Variants in RALGAPB observed in about 807,000 individuals in gnomAD.
RALGAPB encodes the protein Ral GTPase activating protein non-catalytic subunit beta, also known as ral GTPase-activating protein subunit beta.
In RALGAPB, 25 loss-of-function variants were observed where a neutral mutation model predicts 161.1. The observed-to-expected ratio is 0.16, with a 90% confidence interval of 0.11 to 0.22. The LOEUF is 0.22. Ranked by LOEUF, RALGAPB falls within the 10% of genes least tolerant of loss-of-function variation. RALGAPB has a pLI of 1.00. For synonymous variants in RALGAPB, 629 were observed against 626.1 expected, an observed-to-expected ratio of 1.00 and a Z score of -0.07; for missense variants, 1,391 against 1,815.2, an observed-to-expected ratio of 0.77 and a Z score of 4.25.
intron 4 of RALGAPB, among the ~76,000 whole-genome samples, chr20:38,498,205 C>T (rs2085483221): frequency 6.6e-6 from 1 of 152,212 alleles, no homozygotes; most frequent in South Asian, 2.1e-4. Context: ...AATGAAACCT[C>T]CAAAGTCTTT....
Position 38,525,452 on chromosome 20 carries a change from A to T in RALGAPB, c.1836A>T (p.Arg612Ser), listed in dbSNP as rs2086431045. The T allele has an allele frequency of 5.6e-6, 9 of 1,604,110 alleles. No homozygotes were observed. Among genetic ancestry groups the T allele is most frequent in the Non-Finnish European group, 7.6e-6 (9 of 1,177,468 alleles). The change falls in exon 12 of 30, where the codon AGA (arginine) becomes AGT (serine). Residue 612 changes from arginine (R) to serine (S), a missense_variant. Transcript: ENST00000262879. The stretch of plus-strand genomic sequence containing the variant: ...ATGTAAATCCAACAGAATTGCGAAG[A>T]TCCTCCATTAATATCCTGCTTTCTT... ...KSYVNPTELR[R>S]SSINILLSLL...
At chr20:38,570,661 C>G in intron 27 of RALGAPB, 108 bp from the exon 28 acceptor site, 1 of 654,098 alleles carries the variant, frequency 1.5e-6, no homozygotes, top group South Asian at 1.9e-5. Flanking sequence ...CAGCACAGTC[C>G]ATATATTTGC....
chr20:38,569,353 A>G (rs948790205), intron 26 of RALGAPB: 15 of 153,900 alleles, frequency 9.7e-5, no homozygotes, highest in African/African-American at 3.1e-4. Flanking sequence ...TTAGGGTGGC[A>G]GGAAGCCAGA....
intron 6 of RALGAPB, among the ~76,000 whole-genome samples, chr20:38,515,545 C>T (rs1432855285): frequency 6.6e-6 from 1 of 151,930 alleles, no homozygotes; most frequent in Admixed American, 6.6e-5. Context: ...ACAAATACAC[C>T]GTTTTGAAAT....
At chr20:38,558,165 G>A in intron 22 of RALGAPB, 130 bp from the exon 23 acceptor site, 4 of 719,042 alleles carry the variant, frequency 5.6e-6, no homozygotes, top group Non-Finnish European at 8.1e-6. Flanking sequence ...TAGGATTATG[G>A]TTGTGTTTAT....
At chr20:38,508,086 TAA>T (rs1213768623) in intron 5 of RALGAPB, among the ~76,000 whole-genome samples, 1 of 151,044 alleles carries the variant, frequency 6.6e-6, no homozygotes, top group Non-Finnish European at 1.5e-5. Flanking sequence ...ATGAATCTTT[TAA>T]AAAATTTACA....
intron 24 of RALGAPB, among the ~76,000 whole-genome samples, chr20:38,563,321 C>T (rs1435739408): frequency 2.6e-5 from 4 of 152,180 alleles, no homozygotes; most frequent in Non-Finnish European, 5.9e-5. Context: ...AATACAGCTT[C>T]CTAACAAGCA....
intron 1 of RALGAPB, among the ~76,000 whole-genome samples, chr20:38,476,788 G>A (rs542662616): frequency 1.4e-4 from 22 of 152,268 alleles, no homozygotes; most frequent in Non-Finnish European, 2.8e-4. Context: ...AAATTGTCTA[G>A]CACAAAGCCT....
chr20:38,478,478 T>C (rs942704719), intron 1 of RALGAPB, among the ~76,000 whole-genome samples: 1 of 152,180 alleles, frequency 6.6e-6, no homozygotes. Context: ...TAGAGTGCAG[T>C]GGCGTGATCT....
In RALGAPB at chr20:38,525,028, T is replaced by C. The variant is rs1600943823; in HGVS notation, c.1787+83T>C. On this transcript the variant is annotated intron_variant, in intron 11 of 29. Coordinates refer to ENST00000262879, the MANE Select transcript of RALGAPB (RefSeq NM_020336.4). ...GCTTCCTCCCCAGTTTCCTAATGTA[T>C]CCTGTCCAGTTGTCTTCATAGTCCA... 3.0e-6 allele frequency: 4 copies of C among 1,345,246 alleles called. No individual in the cohort carries two copies. In the East Asian group the frequency reaches 9.2e-5, roughly 31 times the overall value. The allele number at this position is 1,345,246 out of a possible 1,614,324, so 83.3% of individuals were successfully genotyped here.
chr20:38,490,659 A>G (rs1047786946), intron 2 of RALGAPB, among the ~76,000 whole-genome samples: 20 of 148,878 alleles, frequency 1.3e-4, no homozygotes, highest in Admixed American at 5.9e-4. Context: ...GGCATGCACC[A>G]CCATGCCTGG....
chr20:38,562,810 G>A, intron 24 of RALGAPB, 113 bp downstream of exon 24: 4 of 1,206,234 alleles, frequency 3.3e-6, no homozygotes, highest in Non-Finnish European at 4.5e-6. Flanking sequence ...ACCAGGCTGG[G>A]TACAGTGGCG....
At chr20:38,493,854 C>T (rs1180731392) in intron 3 of RALGAPB, among the ~76,000 whole-genome samples, 1 of 152,206 alleles carries the variant, frequency 6.6e-6, no homozygotes, top group Non-Finnish European at 1.5e-5. Flanking sequence ...GCATGAAATG[C>T]CTGGTGTAGT....
chr20:38,486,871 C>G (rs1007171680), intron 1 of RALGAPB, among the ~76,000 whole-genome samples: 2 of 152,186 alleles, frequency 1.3e-5, no homozygotes, highest in Non-Finnish European at 2.9e-5. Context: ...AACCTTGACA[C>G]TCTCAAACAC....
intron 13 of RALGAPB, among the ~76,000 whole-genome samples, chr20:38,528,914 G>A (rs1044101156): frequency 3.9e-5 from 6 of 152,180 alleles, no homozygotes; most frequent in Non-Finnish European, 7.4e-5. Flanking sequence ...ACTCCTGATA[G>A]CAAATGATCT....
chr20:38,557,122 T>A (rs1412801431), intron 22 of RALGAPB, among the ~76,000 whole-genome samples: 1 of 152,210 alleles, frequency 6.6e-6, no homozygotes, highest in African/African-American at 2.4e-5. Context: ...AGCAAAACCT[T>A]GTTTGGCAAG....
At chr20:38,535,593 CT>C (rs35132331) in intron 16 of RALGAPB, among the ~76,000 whole-genome samples, 291 of 141,038 alleles carry the variant, frequency 2.1e-3, no homozygotes, top group Middle Eastern at 3.6e-3. Context: ...CTGGCTACAC[CT>C]TTTTTTTTTT....
intron 22 of RALGAPB, among the ~76,000 whole-genome samples, chr20:38,555,510 A>G (rs2087555030): frequency 6.6e-6 from 1 of 152,258 alleles, no homozygotes; most frequent in Non-Finnish European, 1.5e-5. Flanking sequence ...ATGGAAGGCA[A>G]GGAAAAAAGA....
chr20:38,569,433 G>C (rs576181990), intron 26 of RALGAPB: 2 of 156,536 alleles, frequency 1.3e-5, no homozygotes, highest in South Asian at 3.8e-4. Context: ...AAGGAATTAA[G>C]CATAAATTGC....
Sources: allele counts gnomAD v4.1 joint callset (sites outside exome capture counted in the v4.1 genomes callset), GRCh38; gene constraint gnomAD v4.1.1; transcripts MANE v1.5; gene names NCBI Gene and HGNC (gene_info 2026-07-23, HGNC 2026-07-21).